Variants in CCZ1B observed in about 807,000 individuals in gnomAD.
The protein encoded by CCZ1B is CCZ1B vacuolar protein trafficking and biogenesis associated, also known as vacuolar fusion protein CCZ1 homolog B.
Under a neutral mutation model 58.8 loss-of-function variants are expected in CCZ1B, and 25 were observed. The ratio of observed to expected loss-of-function variants is 0.43; its 90% CI spans 0.31 to 0.59. CCZ1B has a LOEUF of 0.59. CCZ1B is among the 20% of genes least tolerant of loss of function. The probability of loss-of-function intolerance (pLI) is 0.12; values close to 1 mark genes in which losing one functional copy is unlikely to be tolerated. For missense variants in CCZ1B, 180 were observed against 501.5 expected (o/e 0.36, Z 6.12); for synonymous variants, 66 against 173.2 (o/e 0.38, Z 4.86).
chr7:6,818,581 AAGAAAGACAGAC>A (rs1310140922), intron 7 of CCZ1B, among the ~76,000 whole-genome samples: 1 of 112,488 alleles, frequency 8.9e-6, no homozygotes, highest in Non-Finnish European at 1.9e-5. Flanking sequence ...GAAAGACAGA[AAGAAAGACAGAC>A]AGAAAGAAAG....
chr7:6,819,322 G>A (rs1308453204), intron 7 of CCZ1B, among the ~76,000 whole-genome samples: 1 of 145,754 alleles, frequency 6.9e-6, no homozygotes, highest in African/African-American at 2.6e-5. Context: ...TGCAACCTCC[G>A]CCTCCCGGGT....
chr7:6,817,900 A>G, intron 7 of CCZ1B, among the ~76,000 whole-genome samples: 1 of 147,972 alleles, frequency 6.8e-6, no homozygotes, highest in Non-Finnish European at 1.5e-5. Context: ...GCTACTCGGG[A>G]GGCTGAGGCA....
intron 12 of CCZ1B, 128 bp downstream of exon 12, chr7:6,804,810 C>G: frequency 1.2e-6 from 1 of 800,798 alleles, no homozygotes; most frequent in Non-Finnish European, 1.7e-6. Context: ...CTGAATGGCA[C>G]GTAGCACCAT....
At chr7:6,819,682 T>C in intron 7 of CCZ1B, 84 bp downstream of exon 7, 1 of 770,968 alleles carries the variant, frequency 1.3e-6, no homozygotes, top group Non-Finnish European at 2.1e-6. Flanking sequence ...AAGTTCCTGT[T>C]TGACAACCTG....
At position 6,822,225 on chromosome 7, in the gene CCZ1B, C is replaced by A; in HGVS notation, c.522+56G>T. 3.2e-6 allele frequency: 5 copies of A among 1,557,322 alleles called. 1 individual carries two copies. Among genetic ancestry groups the A allele is most frequent in the Non-Finnish European group, 4.3e-6 (5 of 1,158,552 alleles). ...GAAACAAACTTGTCTGTCTATATTTCTCTAAAAACCTGATGAATGCTTAGT... is the reference window on the plus strand; with the variant it reads ...GAAACAAACTTGTCTGTCTATATTTATCTAAAAACCTGATGAATGCTTAGT... On this transcript the variant is annotated intron_variant, in intron 6 of 14. Coordinates refer to ENST00000316731, the MANE Select transcript of CCZ1B (RefSeq NM_198097.5).
chr7:6,824,418 A>G (rs776784306), intron 3 of CCZ1B, 37 bp downstream of exon 3: 5 of 1,600,238 alleles, frequency 3.1e-6, no homozygotes, highest in African/African-American at 1.4e-5. Flanking sequence ...TAACTTCACC[A>G]TACAATTTCA....
chr7:6,818,772 G>A (rs1224686031), intron 7 of CCZ1B, among the ~76,000 whole-genome samples: 1 of 148,328 alleles, frequency 6.7e-6, no homozygotes, highest in Non-Finnish European at 1.5e-5. Context: ...TAAAACTTGA[G>A]GGTCCCGGAA....
chr7:6,811,163 C>T (rs1782911748), intron 10 of CCZ1B, among the ~76,000 whole-genome samples: 2 of 151,118 alleles, frequency 1.3e-5, no homozygotes, highest in South Asian at 4.2e-4. Flanking sequence ...CCTTTCCAGG[C>T]CCAGGCCCCA....
chr7:6,821,685 G>A (rs1583557339), intron 6 of CCZ1B, among the ~76,000 whole-genome samples: 2 of 151,592 alleles, frequency 1.3e-5, no homozygotes. Flanking sequence ...ACCAGCCTGG[G>A]CAAAACAGCC....
chr7:6,803,745 C>T (rs568099649), intron 12 of CCZ1B, among the ~76,000 whole-genome samples: 25 of 150,012 alleles, frequency 1.7e-4, no homozygotes, highest in African/African-American at 5.6e-4. Flanking sequence ...GCGTGGATCA[C>T]GAGGTCAGGA....
At chr7:6,825,089 T>G (rs1166397595) in intron 1 of CCZ1B, among the ~76,000 whole-genome samples, 1 of 150,482 alleles carries the variant, frequency 6.6e-6, no homozygotes, top group Non-Finnish European at 1.5e-5. Context: ...ACCAGGTAAT[T>G]TTTATGAAAA....
rs764569791 is a variant in CCZ1B at position 6,824,441 on chromosome 7, G to A, written c.312+14C>T. On this transcript the variant is annotated intron_variant, in intron 3 of 14. Transcript: ENST00000316731. ...CCATACAATTTCAGAAAGATACACT[G>A]TGTGTGTAAATACCATGACCATCCA... The A allele has an allele frequency of 7.5e-6, 12 of 1,604,666 alleles. 1 individual carries two copies. Among genetic ancestry groups the A allele is most frequent in the Non-Finnish European group, 1.0e-5 (12 of 1,176,830 alleles).
intron 5 of CCZ1B, among the ~76,000 whole-genome samples, chr7:6,822,717 T>G (rs1452812390): frequency 8.9e-6 from 1 of 112,828 alleles, no homozygotes; most frequent in Non-Finnish European, 1.8e-5. Flanking sequence ...TTTTTTTTTT[T>G]TTTTGAGATG....
At chr7:6,814,684 C>T in intron 8 of CCZ1B, 80 bp downstream of exon 8, 3 of 1,270,414 alleles carry the variant, frequency 2.4e-6, no homozygotes, top group Non-Finnish European at 3.4e-6. Context: ...CAGAAACACC[C>T]CCATGCACCA....
In CCZ1B at chr7:6,824,097, C is replaced by A; in HGVS notation, c.382G>T (p.Glu128Ter). The change falls in exon 4 of 15, where the codon GAG (glutamate) becomes TAG (stop). Residue 128 changes from glutamate to a stop codon, truncating the protein, a stop_gained. Transcript: ENST00000316731. LOFTEE classifies it high-confidence loss of function. Reference sequence around the variant, plus strand: ...AAACAATGACACATTACCAACAACTCCTCCTCTTGATATTCAATAACTGGT... The same window carrying A: ...AAACAATGACACATTACCAACAACTACTCCTCTTGATATTCAATAACTGGT... ...GKPVIEYQEE[E>*]LLDKVYSSVL... is the part of the protein sequence containing the mutation. 1.4e-6 allele frequency: 2 copies of A among 1,457,298 alleles called. No individual in the cohort carries two copies. Among genetic ancestry groups the A allele is most frequent in the Non-Finnish European group, 1.8e-6 (2 of 1,081,276 alleles). 90.3% of individuals were successfully genotyped at this position (1,457,298 alleles called of 1,614,324 possible).
chr7:6,813,808 A>G lies in CCZ1B; in HGVS notation c.781-771T>C, dbSNP rs529893137. Among the ~76,000 whole-genome samples the G allele has an allele frequency of 2.1e-4, 31 of 147,624 alleles. 2 individuals are homozygous for G. In the South Asian group the frequency reaches 3.7e-3, roughly 17 times the overall value. ...AAATACTACACAGGTTGATTGTTTT[A>G]AAGATCACTGGCATTTTAAAGGTTT... is the stretch of plus-strand genomic sequence containing the variant. On this transcript the variant is annotated intron_variant, in intron 8 of 14. Coordinates refer to ENST00000316731, the MANE Select transcript of CCZ1B (RefSeq NM_198097.5).
chr7:6,821,935 G>A (rs1285799157), intron 6 of CCZ1B, among the ~76,000 whole-genome samples: 1 of 149,648 alleles, frequency 6.7e-6, no homozygotes, highest in African/African-American at 2.5e-5. Context: ...CAATAATTAA[G>A]TTTTCCTTAT....
chr7:6,822,761 G>C (rs1353776946), intron 5 of CCZ1B, among the ~76,000 whole-genome samples: 2 of 134,656 alleles, frequency 1.5e-5, no homozygotes, highest in African/African-American at 5.7e-5. Context: ...GAGTGCAGTG[G>C]TGCAATCACA....
intron 14 of CCZ1B, among the ~76,000 whole-genome samples, chr7:6,800,203 G>GC (rs1287195114): frequency 1.5e-5 from 2 of 130,160 alleles, no homozygotes; most frequent in Non-Finnish European, 3.2e-5. Flanking sequence ...CACCGCAGCT[G>GC]CCGGGTCACC....
Sources: gnomAD v4.1 joint callset for allele counts (sites outside exome capture counted in the v4.1 genomes callset) on GRCh38, gnomAD v4.1.1 for gene constraint, MANE v1.5 for transcripts, NCBI Gene and HGNC (gene_info 2026-07-23, HGNC 2026-07-21) for gene names.